The following ANKRD44 variants were observed in gnomAD, a reference collection of about 807,000 sequenced individuals.
ANKRD44 encodes the protein serine/threonine-protein phosphatase 6 regulatory ankyrin repeat subunit B.
ANKRD44 carries 35 observed loss-of-function variants against 116.0 expected under a neutral mutation model. The ratio of observed to expected loss-of-function variants is 0.30; its 90% confidence interval spans 0.23 to 0.40. The LOEUF is 0.40. ANKRD44 is among the 10% of genes least tolerant of loss of function. The pLI, the probability that ANKRD44 is intolerant of heterozygous loss-of-function variation, is 1.00. For missense variants in ANKRD44, 1,014 were observed against 1,242.6 expected, an observed-to-expected ratio of 0.82 and a Z score of 2.77; for synonymous variants, 435 against 461.8, an observed-to-expected ratio of 0.94 and a Z score of 0.74.
chr2:197,232,868 T>C (rs1559170807), intron 1 of ANKRD44, among the ~76,000 whole-genome samples: 1 of 152,202 alleles, frequency 6.6e-6, no homozygotes, highest in Non-Finnish European at 1.5e-5. Context: ...ATGGAAGGCA[T>C]TGATACATGC....
chr2:197,207,522 A>G (rs1011858860), intron 1 of ANKRD44, among the ~76,000 whole-genome samples: 1 of 152,218 alleles, frequency 6.6e-6, no homozygotes, highest in African/African-American at 2.4e-5. Flanking sequence ...AGAAAAACAT[A>G]TATTAGAAAA....
intron 25 of ANKRD44, among the ~76,000 whole-genome samples, chr2:196,995,710 A>T (rs1483791748): frequency 6.6e-6 from 1 of 152,192 alleles, no homozygotes; most frequent in Non-Finnish European, 1.5e-5. Flanking sequence ...TGCTAAGATA[A>T]ATTTTAAAAT....
At chr2:197,237,830 G>C (rs1024779049) in intron 1 of ANKRD44, among the ~76,000 whole-genome samples, 1 of 152,234 alleles carries the variant, frequency 6.6e-6, no homozygotes, top group African/African-American at 2.4e-5. Flanking sequence ...TGACAAGTCA[G>C]CTTGGTTATT....
At chr2:197,119,567 A>G (rs920821896) in intron 8 of ANKRD44, among the ~76,000 whole-genome samples, 3 of 152,214 alleles carry the variant, frequency 2.0e-5, no homozygotes, top group Non-Finnish European at 2.9e-5. Flanking sequence ...ATTATACTCT[A>G]TTTGATACAA....
intron 6 of ANKRD44, among the ~76,000 whole-genome samples, chr2:197,123,282 T>G (rs1164986962): frequency 2.0e-5 from 3 of 152,234 alleles, no homozygotes; most frequent in African/African-American, 7.2e-5. Context: ...TCAACTGTAT[T>G]TGGACCCACA....
chr2:197,054,562 A>G (rs1336100359), intron 16 of ANKRD44, among the ~76,000 whole-genome samples: 1 of 152,246 alleles, frequency 6.6e-6, no homozygotes, highest in East Asian at 1.9e-4. Context: ...CATACCACTC[A>G]GCTAGTGAGG....
chr2:197,058,895 T>G (rs2077255425), intron 16 of ANKRD44, among the ~76,000 whole-genome samples: 1 of 152,242 alleles, frequency 6.6e-6, no homozygotes, highest in African/African-American at 2.4e-5. Flanking sequence ...TTACATCTGA[T>G]CAATTCCACT....
intron 1 of ANKRD44, chr2:197,250,727 T>A (rs2082296907): frequency 6.6e-6 from 1 of 151,978 alleles, no homozygotes; most frequent in African/African-American, 2.4e-5. Context: ...CACAGAGTAG[T>A]GATACAGTTT....
At chr2:197,085,475 G>A (rs1295983834) in intron 13 of ANKRD44, among the ~76,000 whole-genome samples, 1 of 152,112 alleles carries the variant, frequency 6.6e-6, no homozygotes, top group Non-Finnish European at 1.5e-5. Flanking sequence ...CATAAGACAG[G>A]AGGTCGGCAC....
intron 16 of ANKRD44, among the ~76,000 whole-genome samples, chr2:197,028,122 A>G (rs2076633003): frequency 6.6e-6 from 1 of 152,236 alleles, no homozygotes; most frequent in African/African-American, 2.4e-5. Context: ...ATGTGAAAAA[A>G]TAGAAAAAAT....
intron 16 of ANKRD44, among the ~76,000 whole-genome samples, chr2:197,049,447 T>C (rs904612719): frequency 5.3e-5 from 8 of 152,170 alleles, no homozygotes; most frequent in African/African-American, 1.9e-4. Flanking sequence ...CTTCTGAATA[T>C]ATACACGGTA....
chr2:197,113,496 T>C (rs1388230668), intron 8 of ANKRD44, among the ~76,000 whole-genome samples: 3 of 152,240 alleles, frequency 2.0e-5, no homozygotes, highest in East Asian at 1.9e-4. Context: ...AAGCTATAAA[T>C]ACTTCAGCAT....
At chr2:197,287,636 GT>G (rs926361792) in intron 1 of ANKRD44, among the ~76,000 whole-genome samples, 1 of 152,136 alleles carries the variant, frequency 6.6e-6, no homozygotes, top group African/African-American at 2.4e-5. Context: ...CTTTTACCCT[GT>G]TTTTTGTAAA....
Position 197,089,931 on chromosome 2 carries a change from T to C in ANKRD44, c.1183+19A>G. On this transcript the variant is annotated intron_variant, in intron 11 of 27. Coordinates refer to ENST00000282272, the MANE Select transcript of ANKRD44 (RefSeq NM_001195144.2). ...TACAGGACACATTAAGCCTCATCTC[T>C]GCTAACAGATTTACTTACCCGATGA... 4 of 1,609,722 alleles carry C rather than the reference T, an allele frequency of 2.5e-6. No individual in the cohort carries two copies. The highest frequency in any genetic ancestry group is 3.4e-6 in the Non-Finnish European group (4 of 1,176,090).
intron 1 of ANKRD44, among the ~76,000 whole-genome samples, chr2:197,282,729 C>T (rs912794014): frequency 2.0e-5 from 3 of 152,124 alleles, no homozygotes; most frequent in South Asian, 2.1e-4. Flanking sequence ...GAGGCCAAGA[C>T]GAGCAGATCA....
Position 196,989,310 on chromosome 2 carries a change from G to A in ANKRD44, c.*281C>T. On this transcript the variant is annotated 3_prime_UTR_variant, in exon 28 of 28. Coordinates refer to ENST00000282272, the MANE Select transcript of ANKRD44 (RefSeq NM_001195144.2). ...AAAAAAAAAGGTCAGCACATCATCA[G>A]TTACAAATGTTAAGTGGTCAACTAG... 2 of 1,007,526 alleles carry A rather than the reference G, an allele frequency of 2.0e-6. No individual in the cohort carries two copies. Among genetic ancestry groups the A allele is most frequent in the Non-Finnish European group, 2.4e-6 (2 of 844,976 alleles). The allele number at this position is 1,007,526 out of a possible 1,614,324, so 62.4% of individuals were successfully genotyped here.
intron 1 of ANKRD44, among the ~76,000 whole-genome samples, chr2:197,303,542 T>C (rs1461290968): frequency 2.0e-5 from 3 of 152,222 alleles, no homozygotes; most frequent in Admixed American, 1.3e-4. Context: ...CTCAAACAGA[T>C]GTTTCCACAA....
Position 197,125,944 on chromosome 2 carries a change from C to A in ANKRD44, c.355G>T (p.Ala119Ser), listed in dbSNP as rs199796553. ...TPLHVAAANK[A>S]VKCAEVIIPL... is the part of the protein sequence containing the mutation. ...ATGATCACTTCTGCACATTTGACAG[C>A]CTTGTTGGCTGCTGCCACATGAAGA... Residue 119 changes from alanine to serine, a missense_variant, in exon 5 of 28, where the codon GCT (alanine) becomes TCT (serine). Coordinates refer to ENST00000282272, the MANE Select transcript of ANKRD44 (RefSeq NM_001195144.2). 1.2e-6 allele frequency: 2 copies of A among 1,614,104 alleles called. No homozygotes were observed. Among genetic ancestry groups the A allele is most frequent in the Non-Finnish European group, 1.7e-6 (2 of 1,180,052 alleles).
At chr2:197,242,669 T>C (rs765482581) in intron 1 of ANKRD44, among the ~76,000 whole-genome samples, 2 of 152,352 alleles carry the variant, frequency 1.3e-5, no homozygotes, top group South Asian at 2.1e-4. Flanking sequence ...ATGGTCCCCG[T>C]CTTTCCAGCT....
Sources: allele counts gnomAD v4.1 joint callset (sites outside exome capture counted in the v4.1 genomes callset), GRCh38; gene constraint gnomAD v4.1.1; transcripts MANE v1.5; gene names NCBI Gene and HGNC (gene_info 2026-07-23, HGNC 2026-07-21).